The following NALF1 variants were observed in gnomAD, a reference collection of about 807,000 sequenced individuals.
The protein encoded by NALF1 is family with sequence similarity 155 member A.
A neutral mutation model predicts 48.4 loss-of-function variants in NALF1; 3 were observed. The observed-to-expected ratio is 0.06, with a 90% confidence interval of 0.03 to 0.16. NALF1 has a LOEUF of 0.16. Among genes scored for constraint, NALF1 ranks in the 10% least tolerant of loss-of-function variants. The pLI, the probability that NALF1 is intolerant of heterozygous loss-of-function variation, is 1.00. For missense variants in NALF1, 526 were observed against 571.5 expected, an observed-to-expected ratio of 0.92 and a Z score of 0.81; for synonymous variants, 262 against 245.7, an observed-to-expected ratio of 1.07 and a Z score of -0.62.
At chr13:107,451,735 A>G (rs369941986) in intron 1 of NALF1, among the ~76,000 whole-genome samples, 7 of 152,224 alleles carry the variant, frequency 4.6e-5, no homozygotes, top group Admixed American at 2.0e-4. Context: ...TTCTTAATAC[A>G]TTGCACATCG....
At chr13:107,797,127 C>T (rs1427534538) in intron 1 of NALF1, among the ~76,000 whole-genome samples, 1 of 152,162 alleles carries the variant, frequency 6.6e-6, no homozygotes. Flanking sequence ...CCCCTTGCTC[C>T]CTTGACTCTG....
At chr13:107,228,992 G>A (rs1279640236) in intron 1 of NALF1, among the ~76,000 whole-genome samples, 2 of 151,880 alleles carry the variant, frequency 1.3e-5, no homozygotes, top group Non-Finnish European at 2.9e-5. Context: ...CAATCATTAT[G>A]GTTCTCTTCG....
intron 1 of NALF1, among the ~76,000 whole-genome samples, chr13:107,226,074 G>A (rs971266378): frequency 1.4e-4 from 21 of 152,112 alleles, no homozygotes; most frequent in Middle Eastern, 6.8e-3. Context: ...CATAAAGGTC[G>A]TTTTCTTAAG....
chr13:107,712,493 A>G (rs1875627650), intron 1 of NALF1, among the ~76,000 whole-genome samples: 1 of 152,154 alleles, frequency 6.6e-6, no homozygotes, highest in South Asian at 2.1e-4. Context: ...TGGTGCATGG[A>G]AGATTTACAA....
chr13:107,304,860 C>A (rs1327431156), intron 1 of NALF1, among the ~76,000 whole-genome samples: 1 of 152,190 alleles, frequency 6.6e-6, no homozygotes, highest in Non-Finnish European at 1.5e-5. Flanking sequence ...ATTCTGTGAA[C>A]ACACTAAAGA....
chr13:107,576,389 T>C (rs1049644135), intron 1 of NALF1, among the ~76,000 whole-genome samples: 3 of 152,228 alleles, frequency 2.0e-5, no homozygotes, highest in East Asian at 1.9e-4. Flanking sequence ...TTGTTTTCTA[T>C]TCTCTTAAGA....
At chr13:107,379,961 C>T (rs750943743) in intron 1 of NALF1, among the ~76,000 whole-genome samples, 2 of 152,310 alleles carry the variant, frequency 1.3e-5, no homozygotes, top group South Asian at 2.1e-4. Context: ...TGAGTAAATG[C>T]TCTCTTCCAG....
chr13:107,469,391 G>T (rs1281844402), intron 1 of NALF1, among the ~76,000 whole-genome samples: 1 of 152,004 alleles, frequency 6.6e-6, no homozygotes, highest in African/African-American at 2.4e-5. Context: ...GCCCAATTAT[G>T]GCAGCAGAAA....
intron 1 of NALF1, among the ~76,000 whole-genome samples, chr13:107,494,772 G>A (rs999604283): frequency 1.3e-5 from 2 of 151,846 alleles, no homozygotes. Context: ...CTCTGTAAAA[G>A]TCTAAACGAC....
intron 1 of NALF1, among the ~76,000 whole-genome samples, chr13:107,732,123 C>T (rs890476255): frequency 6.6e-6 from 1 of 152,116 alleles, no homozygotes; most frequent in Non-Finnish European, 1.5e-5. Context: ...TGGGCAGCAG[C>T]TTTGCTTATT....
At chr13:107,216,466 G>A (rs899610044) in intron 1 of NALF1, among the ~76,000 whole-genome samples, 1 of 152,246 alleles carries the variant, frequency 6.6e-6, no homozygotes, top group Admixed American at 6.5e-5. Flanking sequence ...TGTGAAGTAA[G>A]CTTAAGGATG....
intron 1 of NALF1, among the ~76,000 whole-genome samples, chr13:107,505,857 T>A (rs1875681637): frequency 6.6e-6 from 1 of 152,218 alleles, no homozygotes; most frequent in Non-Finnish European, 1.5e-5. Flanking sequence ...CTCCATTGTA[T>A]GTGGAAAAAT....
At chr13:107,818,851 G>A (rs572622461) in intron 1 of NALF1, among the ~76,000 whole-genome samples, 458 of 92,664 alleles carry the variant, frequency 4.9e-3, no homozygotes, top group Middle Eastern at 0.017. Context: ...CAGCCTGGGC[G>A]ACAGAGCGAG....
At chr13:107,475,884 C>T (rs1221504620) in intron 1 of NALF1, among the ~76,000 whole-genome samples, 1 of 152,032 alleles carries the variant, frequency 6.6e-6, no homozygotes, top group East Asian at 1.9e-4. Context: ...CAGTGCTGCC[C>T]AAATACAATT....
At chr13:107,557,835 G>A (rs956837381) in intron 1 of NALF1, among the ~76,000 whole-genome samples, 7 of 152,098 alleles carry the variant, frequency 4.6e-5, no homozygotes, top group African/African-American at 1.7e-4. Context: ...CTGAGGAACC[G>A]AAAAGAGGCT....
intron 1 of NALF1, among the ~76,000 whole-genome samples, chr13:107,266,163 C>A (rs1881033833): frequency 6.6e-6 from 1 of 152,200 alleles, no homozygotes; most frequent in African/African-American, 2.4e-5. Context: ...TGGTGAGAAT[C>A]TCCTTCTTTC....
chr13:107,503,083 A>G (rs536458124), intron 1 of NALF1, among the ~76,000 whole-genome samples: 3 of 152,240 alleles, frequency 2.0e-5, no homozygotes, highest in African/African-American at 7.2e-5. Flanking sequence ...ACTGAATGTG[A>G]ATGGTGTTTG....
At chr13:107,667,371 C>T (rs1219494202) in intron 1 of NALF1, among the ~76,000 whole-genome samples, 2 of 152,114 alleles carry the variant, frequency 1.3e-5, no homozygotes, top group South Asian at 2.1e-4. Context: ...ACACCACCCC[C>T]ACTAAAAAGT....
intron 1 of NALF1, among the ~76,000 whole-genome samples, chr13:107,814,548 T>C (rs1319230622): frequency 6.6e-6 from 1 of 151,428 alleles, no homozygotes; most frequent in African/African-American, 2.4e-5. Context: ...TGAGAAAAAA[T>C]AGACATGAAA....
Sources: allele counts gnomAD v4.1 joint callset (sites outside exome capture counted in the v4.1 genomes callset), GRCh38; gene constraint gnomAD v4.1.1; transcripts MANE v1.5; gene names NCBI Gene and HGNC (gene_info 2026-07-23, HGNC 2026-07-21).